The following SEMA3E variants were observed in gnomAD, a reference collection of about 807,000 sequenced individuals.
The protein encoded by SEMA3E is semaphorin-3E.
In SEMA3E, 49 loss-of-function variants were observed where a neutral mutation model predicts 93.6. That is an observed-to-expected ratio of 0.52 (90% confidence interval 0.42 to 0.66). The LOEUF (loss-of-function observed/expected upper bound fraction) is 0.66, where lower values mean the gene tolerates loss of function less well. Among genes scored for constraint, SEMA3E ranks in the 30% least tolerant of loss-of-function variants. SEMA3E has a pLI of 0.00. For synonymous variants in SEMA3E, 363 were observed against 330.7 expected, an observed-to-expected ratio of 1.10 and a Z score of -1.06; for missense variants, 906 against 964.8, an observed-to-expected ratio of 0.94 and a Z score of 0.81.
intron 4 of SEMA3E, among the ~76,000 whole-genome samples, chr7:83,455,203 A>T (rs912939290): frequency 6.6e-6 from 1 of 152,226 alleles, no homozygotes; most frequent in Non-Finnish European, 1.5e-5. Flanking sequence ...ATAAATATAG[A>T]CTGAGAAAAT....
chr7:83,518,055 C>T (rs1342551057), intron 1 of SEMA3E, among the ~76,000 whole-genome samples: 1 of 151,922 alleles, frequency 6.6e-6, no homozygotes, highest in Non-Finnish European at 1.5e-5. Flanking sequence ...GTGGAGGGTG[C>T]AAAAATGGCA....
chr7:83,636,873 G>A (rs1266986480), intron 1 of SEMA3E, among the ~76,000 whole-genome samples: 2 of 152,048 alleles, frequency 1.3e-5, no homozygotes, highest in East Asian at 3.9e-4. Flanking sequence ...TCAAGACTGA[G>A]CTTTGGGTCT....
intron 11 of SEMA3E, among the ~76,000 whole-genome samples, chr7:83,398,970 C>A (rs1286135373): frequency 3.3e-5 from 5 of 151,628 alleles, no homozygotes; most frequent in Non-Finnish European, 7.4e-5. Flanking sequence ...ACCAACAAAA[C>A]AAAAAAAGCC....
chr7:83,453,610 A>C (rs764319317), intron 4 of SEMA3E, among the ~76,000 whole-genome samples: 27 of 152,310 alleles, frequency 1.8e-4, no homozygotes, highest in Middle Eastern at 3.4e-3. Context: ...GGGAATACTC[A>C]TTACCTTCTA....
At chr7:83,536,161 G>A (rs976988267) in intron 1 of SEMA3E, among the ~76,000 whole-genome samples, 1 of 151,834 alleles carries the variant, frequency 6.6e-6, no homozygotes, top group African/African-American at 2.4e-5. Context: ...TTAATTATTT[G>A]CTAAAAATAT....
chr7:83,394,381 A>G lies in SEMA3E; in HGVS notation c.1459-43T>C, dbSNP rs200886946. On this transcript the variant is annotated intron_variant, in intron 12 of 16. Coordinates refer to ENST00000643230, the MANE Select transcript of SEMA3E (RefSeq NM_012431.3). Reference sequence around the variant, plus strand: ...TTTTCATTTTTAAGAAAACAGTATAAAAACATTTACCTTAATATGGTTGTA... The same window carrying G: ...TTTTCATTTTTAAGAAAACAGTATAGAAACATTTACCTTAATATGGTTGTA... 75 of 1,520,058 alleles carry G rather than the reference A, an allele frequency of 4.9e-5. 1 individual carries two copies. The East Asian group carries it at 1.6e-3, about 33-fold the overall frequency. 94.2% of individuals were successfully genotyped at this position (1,520,058 alleles called of 1,614,324 possible).
chr7:83,436,563 A>T (rs192112135), intron 4 of SEMA3E, among the ~76,000 whole-genome samples: 3 of 152,104 alleles, frequency 2.0e-5, no homozygotes, highest in Admixed American at 2.0e-4. Flanking sequence ...TGAGAATCAG[A>T]GGAAGGAATG....
chr7:83,556,611 A>G (rs1468080221), intron 1 of SEMA3E, among the ~76,000 whole-genome samples: 1 of 152,204 alleles, frequency 6.6e-6, no homozygotes, highest in Admixed American at 6.6e-5. Context: ...AGTAGCAGGC[A>G]TGCCATAATG....
intron 1 of SEMA3E, among the ~76,000 whole-genome samples, chr7:83,551,659 A>G (rs1439022656): frequency 1.3e-5 from 2 of 152,168 alleles, no homozygotes; most frequent in Non-Finnish European, 2.9e-5. Context: ...AAACATTTGA[A>G]TACATGAACA....
intron 1 of SEMA3E, among the ~76,000 whole-genome samples, chr7:83,499,384 T>G (rs530674926): frequency 6.6e-6 from 1 of 152,190 alleles, no homozygotes; most frequent in Non-Finnish European, 1.5e-5. Context: ...ATAAACCATA[T>G]GTAATTAAAG....
At chr7:83,467,647 A>C (rs1584268565) in intron 3 of SEMA3E, among the ~76,000 whole-genome samples, 1 of 152,332 alleles carries the variant, frequency 6.6e-6, no homozygotes, top group East Asian at 1.9e-4. Flanking sequence ...CATAAACAAT[A>C]CAAAACTAAA....
chr7:83,429,990 C>T (rs540806453), intron 4 of SEMA3E, among the ~76,000 whole-genome samples: 2 of 152,210 alleles, frequency 1.3e-5, no homozygotes, highest in South Asian at 4.1e-4. Flanking sequence ...GCATTATTTA[C>T]ATTGTATTGT....
At chr7:83,435,928 TAA>T (rs1265937697) in intron 4 of SEMA3E, among the ~76,000 whole-genome samples, 1 of 152,162 alleles carries the variant, frequency 6.6e-6, no homozygotes, top group African/African-American at 2.4e-5. Flanking sequence ...GTGTCTATCA[TAA>T]AGTCAATATT....
chr7:83,394,342 A>G lies in SEMA3E; in HGVS notation c.1459-4T>C. The G allele has an allele frequency of 6.2e-7, 1 of 1,612,244 alleles. No individual in the cohort carries two copies. The highest frequency in any genetic ancestry group is 2.2e-5 in the East Asian group (1 of 44,768). On this transcript the variant is annotated splice_region_variant and splice_polypyrimidine_tract_variant and intron_variant, in intron 12 of 16. Coordinates refer to ENST00000643230, the MANE Select transcript of SEMA3E (RefSeq NM_012431.3). Reference sequence around the variant, plus strand: ...TAGAAATAATAGGAACTGGATCCTGAAATTTTAAAAAAGTTTTCATTTTTA... The same window carrying G: ...TAGAAATAATAGGAACTGGATCCTGGAATTTTAAAAAAGTTTTCATTTTTA...
At chr7:83,589,021 C>A (rs145290850) in intron 1 of SEMA3E, among the ~76,000 whole-genome samples, 1 of 152,202 alleles carries the variant, frequency 6.6e-6, no homozygotes, top group Non-Finnish European at 1.5e-5. Context: ...TAAGCTGAAG[C>A]GCAGGAATTG....
At chr7:83,441,730 A>T (rs1417456203) in intron 4 of SEMA3E, among the ~76,000 whole-genome samples, 1 of 151,408 alleles carries the variant, frequency 6.6e-6, no homozygotes, top group African/African-American at 2.4e-5. Flanking sequence ...TCCAGCAAGA[A>T]ACAGATTTTT....
chr7:83,458,799 G>C (rs534747775), intron 4 of SEMA3E, among the ~76,000 whole-genome samples: 8 of 150,594 alleles, frequency 5.3e-5, no homozygotes, highest in African/African-American at 1.9e-4. Context: ...AAAATGAACT[G>C]TGTGTCTTAG....
chr7:83,582,480 T>C (rs1792535139), intron 1 of SEMA3E, among the ~76,000 whole-genome samples: 1 of 152,112 alleles, frequency 6.6e-6, no homozygotes, highest in Admixed American at 6.6e-5. Flanking sequence ...TTCCTCTGTT[T>C]GAATGAAGTT....
chr7:83,608,931 A>G (rs1414152828), intron 1 of SEMA3E, among the ~76,000 whole-genome samples: 1 of 152,172 alleles, frequency 6.6e-6, no homozygotes, highest in East Asian at 1.9e-4. Context: ...AATTTCATTC[A>G]TTTGAAAGAT....
Sources: allele counts gnomAD v4.1 joint callset (sites outside exome capture counted in the v4.1 genomes callset), GRCh38; gene constraint gnomAD v4.1.1; transcripts MANE v1.5; gene names NCBI Gene and HGNC (gene_info 2026-07-23, HGNC 2026-07-21).